RIF1: variants seen among roughly 807,000 people sequenced by gnomAD.
The protein encoded by RIF1 is telomere-associated protein RIF1.
A neutral mutation model predicts 247.1 loss-of-function variants in RIF1; 45 were observed. That is an observed-to-expected ratio of 0.18 (90% confidence interval 0.14 to 0.23). RIF1 has a LOEUF of 0.23. Ranked by LOEUF, RIF1 falls within the 10% of genes least tolerant of loss-of-function variation. RIF1 has a pLI of 1.00. For missense variants in RIF1, 2,967 were observed against 2,862.5 expected (o/e 1.04, Z -0.83); for synonymous variants, 1,087 against 978.8 (o/e 1.11, Z -2.06).
intron 2 of RIF1, 146 bp downstream of exon 2, chr2:151,410,673 C>T (rs1458658412): frequency 5.9e-6 from 4 of 672,388 alleles, no homozygotes; most frequent in Non-Finnish European, 1.0e-5. Context: ...CCTTGGGGGG[C>T]GGGGGAGATG....
Position 151,490,665 on chromosome 2 carries a change from T to C in RIF1, c.*416-4564T>C. On this transcript the variant is annotated intron_variant and NMD_transcript_variant, in intron 9 of 13. Coordinates refer to the RIF1 transcript ENST00000454583. ...ATGGGTCAAACCCTCACAGTTATTC[T>C]GATGTAGGTTTGTCTTTCTTATTTT... 3 of 982,240 alleles carry C rather than the reference T, an allele frequency of 3.1e-6. No homozygotes were observed. The South Asian group carries it at 5.1e-5, about 17-fold the overall frequency. The allele number at this position is 982,240 out of a possible 1,614,324, so 60.8% of individuals were successfully genotyped here.
chr2:151,463,646 A>G lies in RIF1; in HGVS notation c.4126A>G (p.Lys1376Glu), dbSNP rs1264443141. The part of the protein sequence containing the change: ...VLLETNTVEE[K>E]NVEINLESKE... ...ATTGGAAACTAATACTGTAGAGGAG[A>G]AAAATGTAGAAATTAATTTGGAATC... is the stretch of plus-strand genomic sequence containing the variant. Residue 1376 changes from lysine (K) to glutamate (E), a missense_variant, in exon 30 of 36, where the codon AAA (lysine) becomes GAA (glutamate). Lys to Glu is a moderately conservative substitution (Grantham distance 56). Coordinates refer to ENST00000444746, the MANE Select transcript of RIF1 (RefSeq NM_018151.5). 5 of 1,613,802 alleles carry G rather than the reference A, an allele frequency of 3.1e-6. No individual in the cohort carries two copies. In the South Asian group the frequency reaches 3.3e-5, roughly 11 times the overall value.
intron 9 of RIF1, chr2:151,491,995 G>T: frequency 1.6e-6 from 2 of 1,264,150 alleles, no homozygotes; most frequent in African/African-American, 1.5e-5. Flanking sequence ...TAGAAAAACA[G>T]ATTGAAGTCC....
chr2:151,410,357 C>A, intron 1 of RIF1, 57 bp from the exon 2 acceptor site: 1 of 1,437,778 alleles, frequency 7.0e-7, no homozygotes, highest in Non-Finnish European at 9.6e-7. Context: ...CACTGGGCCG[C>A]CGCGGGGCTG....
At chr2:151,425,557 T>C in intron 8 of RIF1, among the ~76,000 whole-genome samples, 1 of 152,028 alleles carries the variant, frequency 6.6e-6, no homozygotes, top group Non-Finnish European at 1.5e-5. Context: ...TATTTGGATA[T>C]GGTGTAAGGT....
chr2:151,529,353 T>C, the RIF1 span: 4 of 1,295,882 alleles, frequency 3.1e-6, no homozygotes, highest in South Asian at 1.2e-5. Flanking sequence ...AATTTTTTTA[T>C]AGCAGCATAC....
In RIF1 at chr2:151,488,862, TC is replaced by T. The variant is rs1226218581; in HGVS notation, c.*415+5528del. 7.9e-5 allele frequency among the ~76,000 whole-genome samples: 12 copies of T among 152,192 alleles called. No homozygotes were observed. The East Asian group carries it at 1.7e-3, about 22-fold the overall frequency. On this transcript the variant is annotated intron_variant and NMD_transcript_variant, in intron 9 of 13. Transcript: ENST00000454583. Reference sequence around the variant, plus strand: ...TTCTTTTAGGGTCTGTTTCTGGACTTCATCTATTTTTGTATCTATTGCCATG... The same window carrying T: ...TTCTTTTAGGGTCTGTTTCTGGACTTATCTATTTTTGTATCTATTGCCATG...
intron 12 of RIF1, among the ~76,000 whole-genome samples, chr2:151,505,790 G>A (rs1315724366): frequency 6.6e-6 from 1 of 152,128 alleles, no homozygotes; most frequent in Non-Finnish European, 1.5e-5. Context: ...TCTCTTTGGG[G>A]CAGGGATGGG....
rs1693299800 is a variant in RIF1 at position 151,446,523 on chromosome 2, G to C, written c.2192G>C (p.Cys731Ser). The C allele has an allele frequency of 6.2e-7, 1 of 1,613,510 alleles. No homozygotes were observed. Among genetic ancestry groups the C allele is most frequent in the African/African-American group, 1.3e-5 (1 of 74,902 alleles). Reference sequence around the variant, plus strand: ...GCAACAGCAGAAGAGAACTTGTGCTGTGAGGAACTTTCTTCCAAGATAATG... The same window carrying C: ...GCAACAGCAGAAGAGAACTTGTGCTCTGAGGAACTTTCTTCCAAGATAATG... ...LVATAEENLCCEELSSKIMSS... is the reference protein window; with the variant it reads ...LVATAEENLCSEELSSKIMSS... Residue 731 changes from cysteine to serine, a missense_variant, in exon 20 of 36, where the codon TGT (cysteine) becomes TCT (serine). Around this residue, in one of 7 missense-constraint regions of RIF1, gnomAD observed 76 missense variants for 113.3 expected, o/e 0.67. Transcript: ENST00000444746.
the RIF1 span, among the ~76,000 whole-genome samples, chr2:151,533,735 C>G: frequency 6.6e-6 from 1 of 152,168 alleles, no homozygotes; most frequent in Non-Finnish European, 1.5e-5. Context: ...TTGCGGTTGG[C>G]CATTCATAGT....
At chr2:151,512,869 GT>G, downstream of RIF1, 2 of 1,443,816 alleles carry the variant, frequency 1.4e-6, no homozygotes, top group Non-Finnish European at 1.9e-6. Context: ...TTGGGTAAAT[GT>G]TTGCAATGTG....
chr2:151,498,219 T>TGAA, intron 10 of RIF1: 1 of 1,550,292 alleles, frequency 6.5e-7, no homozygotes, highest in East Asian at 2.4e-5. Flanking sequence ...AGTTTAATTC[T>TGAA]GAAGTTAAGT....
At chr2:151,458,226 AT>A (rs71403171) in intron 24 of RIF1, among the ~76,000 whole-genome samples, 1,465 of 99,140 alleles carry the variant, frequency 0.015, 10 homozygotes, top group African/African-American at 0.044. Context: ...GAAATAGATG[AT>A]TTTTTTTTTT....
chr2:151,494,638 T>TG (rs1020004840), intron 9 of RIF1, among the ~76,000 whole-genome samples: 2 of 152,108 alleles, frequency 1.3e-5, no homozygotes, highest in African/African-American at 4.8e-5. Context: ...TGTTTGTTTT[T>TG]TTTTGTTTTG....
intron 10 of RIF1, among the ~76,000 whole-genome samples, chr2:151,434,257 T>C (rs1302347431): frequency 3.3e-5 from 5 of 152,070 alleles, no homozygotes; most frequent in Admixed American, 1.3e-4. Flanking sequence ...TGCTCCGTTT[T>C]CTAGGCTGCA....
chr2:151,463,528 A>T lies in RIF1; in HGVS notation c.4008A>T (p.Glu1336Asp). 5.6e-6 allele frequency: 9 copies of T among 1,614,090 alleles called. No individual in the cohort carries two copies. Among genetic ancestry groups the T allele is most frequent in the Non-Finnish European group, 5.1e-6 (6 of 1,180,002 alleles). Residue 1336 changes from glutamate (E) to aspartate (D), a missense_variant, in exon 30 of 36, where the codon GAA becomes GAT. By Grantham distance (45) the Glu-to-Asp change is conservative. Around this residue, in one of 7 missense-constraint regions of RIF1, gnomAD observed 2,028 missense variants for 1,825.6 expected, o/e 1.11. Coordinates refer to ENST00000444746, the MANE Select transcript of RIF1 (RefSeq NM_018151.5). The stretch of plus-strand genomic sequence containing the variant: ...CACCTGGTTTGCTTAATCAAACAGA[A>T]TGTGTGTCAGATAATCAGGTTCATC... ...NNPPGLLNQT[E>D]CVSDNQVHLS...
intron 7 of RIF1, among the ~76,000 whole-genome samples, chr2:151,421,476 G>C (rs898965664): frequency 1.3e-5 from 2 of 152,224 alleles, no homozygotes; most frequent in Non-Finnish European, 2.9e-5. Flanking sequence ...GTGAATGAGA[G>C]TGAGAGGAAA....
chr2:151,497,286 T>TTTTA (rs2060872586), intron 10 of RIF1: 1 of 950,574 alleles, frequency 1.1e-6, no homozygotes, highest in African/African-American at 1.8e-5. Flanking sequence ...ATGTTATTTT[T>TTTTA]TTTTTTCCTT....
intron 9 of RIF1, chr2:151,493,638 G>T: frequency 1.2e-6 from 1 of 825,034 alleles, no homozygotes. Flanking sequence ...GGGTTGGTTT[G>T]TTGTTTTTAA....
Sources: gnomAD v4.1 joint callset for allele counts (sites outside exome capture counted in the v4.1 genomes callset) on GRCh38, gnomAD v4.1.1 for gene constraint, gnomAD v4.1.1 regional missense constraint, MANE v1.5 for transcripts, NCBI Gene and HGNC (gene_info 2026-07-23, HGNC 2026-07-21) for gene names.